KHDRBS2: variants seen among roughly 807,000 people sequenced by gnomAD.
The protein encoded by KHDRBS2 is KH RNA binding domain containing, signal transduction associated 2.
A neutral mutation model predicts 44.3 loss-of-function variants in KHDRBS2; 26 were observed. The ratio of observed to expected loss-of-function variants is 0.59; its 90% CI spans 0.43 to 0.81. KHDRBS2 has a LOEUF of 0.81. KHDRBS2 is among the 40% of genes least tolerant of loss of function. The pLI is 0.00. For missense variants in KHDRBS2, 476 were observed against 433.1 expected (o/e 1.10, Z -0.88); for synonymous variants, 194 against 151.1 (o/e 1.28, Z -2.08).
intron 1 of KHDRBS2, among the ~76,000 whole-genome samples, chr6:62,188,898 G>A (rs188133200): frequency 3.9e-5 from 6 of 152,248 alleles, no homozygotes; most frequent in Non-Finnish European, 8.8e-5. Flanking sequence ...TGGATCACTT[G>A]AGGTCAGGAG....
intron 6 of KHDRBS2, among the ~76,000 whole-genome samples, chr6:61,820,308 A>C (rs1416042738): frequency 6.6e-6 from 1 of 152,052 alleles, no homozygotes; most frequent in Non-Finnish European, 1.5e-5. Context: ...GGGGACATTC[A>C]GGATGCGTTT....
At chr6:62,107,094 G>A (rs1803587077) in intron 2 of KHDRBS2, among the ~76,000 whole-genome samples, 1 of 151,670 alleles carries the variant, frequency 6.6e-6, no homozygotes, top group Non-Finnish European at 1.5e-5. Flanking sequence ...TCTGGCCAGG[G>A]CAATTAGGCA....
At chr6:61,848,184 A>C (rs1283982795) in intron 6 of KHDRBS2, among the ~76,000 whole-genome samples, 1 of 151,714 alleles carries the variant, frequency 6.6e-6, no homozygotes, top group Admixed American at 6.6e-5. Context: ...TATTTTGGGG[A>C]AGTGGTTTCA....
At chr6:61,762,998 C>G (rs1779498370) in intron 6 of KHDRBS2, among the ~76,000 whole-genome samples, 1 of 152,110 alleles carries the variant, frequency 6.6e-6, no homozygotes, top group South Asian at 2.1e-4. Context: ...ACTTTCACTT[C>G]CTCACTCCCT....
rs143979172 is a variant in KHDRBS2, at chr6:62,141,979, C to T, written c.219+35206G>A. 3.6e-3 allele frequency among the ~76,000 whole-genome samples: 549 copies of T among 152,054 alleles called. 2 individuals are homozygous for T. Among genetic ancestry groups the T allele is most frequent in the African/African-American group, 0.013 (533 of 41,490 alleles). ...AATATCACTGAGTAATTTTAAGTAGCCCTTACAAAAACTCACCAAAAGTAG... is the reference window on the plus strand; with the variant it reads ...AATATCACTGAGTAATTTTAAGTAGTCCTTACAAAAACTCACCAAAAGTAG... On this transcript the variant is annotated intron_variant, in intron 2 of 8. Transcript: ENST00000281156.
intron 8 of KHDRBS2, among the ~76,000 whole-genome samples, chr6:61,683,235 A>G (rs1337550681): frequency 6.6e-6 from 1 of 151,908 alleles, no homozygotes; most frequent in Non-Finnish European, 1.5e-5. Flanking sequence ...AGATTTTTTC[A>G]GAATTTTAAA....
At chr6:62,048,141 C>CAA (rs1788143144) in intron 2 of KHDRBS2, 147 bp from the exon 3 acceptor site, 5 of 596,550 alleles carry the variant, frequency 8.4e-6, no homozygotes, top group Non-Finnish European at 1.2e-5. Context: ...CACACACACA[C>CAA]ACACACACAC....
At chr6:62,255,918 G>C (rs1837325260) in intron 1 of KHDRBS2, among the ~76,000 whole-genome samples, 1 of 151,774 alleles carries the variant, frequency 6.6e-6, no homozygotes. Context: ...GATAACTTGA[G>C]GTCAGGAGTT....
chr6:62,212,371 G>C (rs1829208625), intron 1 of KHDRBS2, among the ~76,000 whole-genome samples: 1 of 151,892 alleles, frequency 6.6e-6, no homozygotes, highest in South Asian at 2.1e-4. Flanking sequence ...AGAGATATAA[G>C]ATTTAAGTAT....
the KHDRBS2 span, among the ~76,000 whole-genome samples, chr6:61,638,368 C>T: frequency 2.0e-5 from 3 of 152,074 alleles, no homozygotes; most frequent in African/African-American, 7.2e-5. Flanking sequence ...CTACAACTAT[C>T]TGATCTTTGA....
chr6:62,072,918 A>C (rs966116872), intron 2 of KHDRBS2, among the ~76,000 whole-genome samples: 1 of 152,048 alleles, frequency 6.6e-6, no homozygotes, highest in Non-Finnish European at 1.5e-5. Flanking sequence ...AAGGAATGGT[A>C]CCAGCTCCCC....
intron 1 of KHDRBS2, among the ~76,000 whole-genome samples, chr6:62,197,803 C>T (rs1344562081): frequency 6.6e-6 from 1 of 152,106 alleles, no homozygotes; most frequent in Non-Finnish European, 1.5e-5. Context: ...AGCACCACAC[C>T]ACACCTATTC....
chr6:61,543,797 C>T, the KHDRBS2 span, among the ~76,000 whole-genome samples: 4 of 152,044 alleles, frequency 2.6e-5, no homozygotes, highest in African/African-American at 9.7e-5. Flanking sequence ...TTGTCGTTTG[C>T]AATACCATGG....
the KHDRBS2 span, among the ~76,000 whole-genome samples, chr6:61,647,354 T>C: frequency 2.6e-5 from 4 of 152,098 alleles, no homozygotes; most frequent in South Asian, 8.3e-4. Context: ...GGATCAACCT[T>C]AGTATTTTCA....
intron 1 of KHDRBS2, among the ~76,000 whole-genome samples, chr6:62,266,870 T>G (rs1244974196): frequency 6.6e-6 from 1 of 152,070 alleles, no homozygotes; most frequent in Non-Finnish European, 1.5e-5. Context: ...AATATACAGA[T>G]GTTTTTAATT....
intron 1 of KHDRBS2, among the ~76,000 whole-genome samples, chr6:62,234,306 C>G (rs577961182): frequency 6.6e-6 from 1 of 152,046 alleles, no homozygotes; most frequent in Non-Finnish European, 1.5e-5. Flanking sequence ...TCTCTCCCTT[C>G]GTGCAATATA....
intron 4 of KHDRBS2, among the ~76,000 whole-genome samples, chr6:61,954,088 G>A (rs17351754): frequency 0.22 from 32,963 of 152,064 alleles, 3,803 homozygotes; most frequent in Admixed American, 0.31. Flanking sequence ...CTGGCAGAGG[G>A]AGGCTCCACA....
the KHDRBS2 span, among the ~76,000 whole-genome samples, chr6:61,578,355 T>A: frequency 7.1e-3 from 1,077 of 152,264 alleles, 18 homozygotes; most frequent in African/African-American, 0.023. Context: ...AAAGTGTGTG[T>A]GAGAGAGATT....
the KHDRBS2 span, among the ~76,000 whole-genome samples, chr6:61,548,412 A>C: frequency 6.6e-6 from 1 of 152,104 alleles, no homozygotes; most frequent in Non-Finnish European, 1.5e-5. Flanking sequence ...GATCTTGTTA[A>C]AATGCAGATT....
Sources: gnomAD v4.1 joint callset for allele counts (sites outside exome capture counted in the v4.1 genomes callset) on GRCh38, gnomAD v4.1.1 for gene constraint, MANE v1.5 for transcripts, NCBI Gene and HGNC (gene_info 2026-07-23, HGNC 2026-07-21) for gene names.